The following SDK1 variants were observed in gnomAD, a reference collection of about 807,000 sequenced individuals.
SDK1 encodes protein sidekick-1.
In SDK1, 157 loss-of-function variants were observed where a neutral mutation model predicts 245.5. The ratio of observed to expected loss-of-function variants is 0.64; its 90% CI spans 0.56 to 0.73. SDK1 has a LOEUF of 0.73. SDK1 is among the 30% of genes least tolerant of loss of function. The probability of loss-of-function intolerance (pLI) is 0.00; values close to 1 mark genes in which losing one functional copy is unlikely to be tolerated. For missense variants in SDK1, 3,583 were observed against 3,002.3 expected, an observed-to-expected ratio of 1.19 and a Z score of -4.52; for synonymous variants, 1,647 against 1,278.5, an observed-to-expected ratio of 1.29 and a Z score of -6.15.
At chr7:4,193,211 T>TATATATAGTATATTA (rs1554257007) in intron 35 of SDK1, among the ~76,000 whole-genome samples, 133 of 119,022 alleles carry the variant, frequency 1.1e-3, no homozygotes, top group African/African-American at 4.3e-3. Context: ...TATATATTAA[T>TATATATAGTATATTA]ATATATATTG....
chr7:3,698,760 A>G lies in SDK1; in HGVS notation c.713+56655A>G, dbSNP rs1784651047. ...CTCACATGGCAGGTAGAGAGAGAGA[A>G]CAAACTCTCTGGTGTCTCTTCTTAT... is the stretch of plus-strand genomic sequence containing the variant. On this transcript the variant is annotated intron_variant, in intron 4 of 44. Coordinates refer to ENST00000404826, the MANE Select transcript of SDK1 (RefSeq NM_152744.4). 2.6e-5 allele frequency among the ~76,000 whole-genome samples: 4 copies of G among 152,276 alleles called. No individual in the cohort carries two copies. In the South Asian group the frequency reaches 8.3e-4, roughly 32 times the overall value.
At chr7:4,007,184 A>G (rs1018123949) in intron 14 of SDK1, among the ~76,000 whole-genome samples, 1 of 152,214 alleles carries the variant, frequency 6.6e-6, no homozygotes, top group African/African-American at 2.4e-5. Context: ...AGAGCAATCA[A>G]GGAGGAAGTT....
At chr7:3,967,495 G>A in intron 10 of SDK1, 61 bp downstream of exon 10, 1 of 992,634 alleles carries the variant, frequency 1.0e-6, no homozygotes, top group Non-Finnish European at 1.6e-6. Flanking sequence ...TATCGGGCCA[G>A]TGCTTGCTTC....
intron 19 of SDK1, among the ~76,000 whole-genome samples, chr7:4,060,124 G>T (rs1020483009): frequency 1.3e-5 from 2 of 151,972 alleles, no homozygotes; most frequent in Non-Finnish European, 2.9e-5. Flanking sequence ...CTCGTGATCC[G>T]CCCGCCTCGG....
At chr7:3,498,664 A>G (rs1358161379) in intron 1 of SDK1, among the ~76,000 whole-genome samples, 1 of 151,156 alleles carries the variant, frequency 6.6e-6, no homozygotes, top group African/African-American at 2.4e-5. Flanking sequence ...TTAGTCTTGT[A>G]TGTGTTTCTT....
At chr7:3,719,380 C>A (rs1785296838) in intron 4 of SDK1, among the ~76,000 whole-genome samples, 2 of 151,884 alleles carry the variant, frequency 1.3e-5, no homozygotes, top group Admixed American at 1.3e-4. Flanking sequence ...ATCATTGTTT[C>A]CAGTGTTAAC....
At chr7:3,498,707 C>A (rs1331878690) in intron 1 of SDK1, among the ~76,000 whole-genome samples, 1 of 151,308 alleles carries the variant, frequency 6.6e-6, no homozygotes, top group Non-Finnish European at 1.5e-5. Context: ...CGGAATGTCT[C>A]AGAATGTTGC....
chr7:4,018,159 T>G (rs534427514), intron 17 of SDK1, among the ~76,000 whole-genome samples: 2 of 152,366 alleles, frequency 1.3e-5, no homozygotes, highest in African/African-American at 4.8e-5. Context: ...CTACTGAGTC[T>G]AAAATCCTTT....
intron 1 of SDK1, among the ~76,000 whole-genome samples, chr7:3,609,860 C>G (rs559093858): frequency 3.9e-5 from 6 of 152,092 alleles, no homozygotes; most frequent in African/African-American, 1.4e-4. Context: ...ACCATCATGC[C>G]CAGCTAATTT....
At position 4,011,128 on chromosome 7, in the gene SDK1, C is replaced by A; in HGVS notation, c.2279+15C>A. On this transcript the variant is annotated intron_variant, in intron 15 of 44. Transcript: ENST00000404826. ...GAGACAAGCAGGTGCGTGAATCCCG[C>A]CCCAGGTGGGGGTGTGGAACAGCCG... 6.2e-7 allele frequency: 1 copy of A among 1,612,264 alleles called. No individual in the cohort carries two copies. The highest frequency in any genetic ancestry group is 8.5e-7 in the Non-Finnish European group (1 of 1,179,614).
Position 4,129,948 on chromosome 7 carries a change from G to A in SDK1, c.3980G>A (p.Ser1327Asn). ...RAKDLDPEPR[S>N]HIVRGNHTQS... ...AAAGACCTGGATCCCGAGCCCAGGA[G>A]CCACATCGTGCGAGGGAACCACACG... Residue 1327 changes from serine (S) to asparagine (N), a missense_variant, in exon 27 of 45, where the codon AGC (serine) becomes AAC (asparagine). Transcript: ENST00000404826. The A allele has an allele frequency of 6.2e-7, 1 of 1,613,808 alleles. No individual in the cohort carries two copies. Among genetic ancestry groups the A allele is most frequent in the Non-Finnish European group, 8.5e-7 (1 of 1,179,936 alleles).
At chr7:3,530,382 G>A (rs1264603144) in intron 1 of SDK1, among the ~76,000 whole-genome samples, 1 of 152,084 alleles carries the variant, frequency 6.6e-6, no homozygotes, top group Non-Finnish European at 1.5e-5. Flanking sequence ...TTTCATGGTG[G>A]CTAAATGATT....
At chr7:3,555,846 C>A (rs1369624010) in intron 1 of SDK1, among the ~76,000 whole-genome samples, 1 of 152,074 alleles carries the variant, frequency 6.6e-6, no homozygotes, top group Non-Finnish European at 1.5e-5. Flanking sequence ...AAATGCAAAT[C>A]AAAACCATTA....
At chr7:4,029,058 G>A (rs1423628318) in intron 17 of SDK1, among the ~76,000 whole-genome samples, 8 of 146,064 alleles carry the variant, frequency 5.5e-5, no homozygotes, top group African/African-American at 1.0e-4. Flanking sequence ...TTGCTTTTCC[G>A]AGGGGGGTGG....
At chr7:4,098,821 G>GC (rs1359448818) in intron 22 of SDK1, among the ~76,000 whole-genome samples, 76 of 130,194 alleles carry the variant, frequency 5.8e-4, no homozygotes, top group South Asian at 2.8e-3. Context: ...ACACCACAAT[G>GC]CCCTTTTTTT....
chr7:4,204,970 C>T (rs870394), intron 35 of SDK1, among the ~76,000 whole-genome samples: 12,121 of 86,736 alleles, frequency 0.14, 563 homozygotes, highest in Middle Eastern at 0.23. Context: ...TGGTGAGGTG[C>T]GGAGGTGCGG....
rs1015682573 is a variant in SDK1, at chr7:3,806,068, C to G, written c.714-15382C>G. On this transcript the variant is annotated intron_variant, in intron 4 of 44. Coordinates refer to ENST00000404826, the MANE Select transcript of SDK1 (RefSeq NM_152744.4). ...CCCTGAGGTCAAAGACAAGGAAAGA[C>G]TGCAAATGCTTGGCTTGTAGCCCTC... Among the ~76,000 whole-genome samples the G allele has an allele frequency of 2.6e-5, 4 of 152,310 alleles. No homozygotes were observed. The East Asian group carries it at 7.7e-4, about 29-fold the overall frequency.
At chr7:4,081,810 C>A (rs1412272847) in intron 22 of SDK1, among the ~76,000 whole-genome samples, 1 of 152,140 alleles carries the variant, frequency 6.6e-6, no homozygotes, top group South Asian at 2.1e-4. Flanking sequence ...CAGCAAAAGT[C>A]AATGATCCTC....
chr7:3,893,290 T>G (rs6971828), intron 5 of SDK1, among the ~76,000 whole-genome samples: 44,474 of 152,022 alleles, frequency 0.29, 7,278 homozygotes, highest in African/African-American at 0.44. Flanking sequence ...ACGGGGGTCA[T>G]CCCACCTGGG....
Sources: allele counts gnomAD v4.1 joint callset (sites outside exome capture counted in the v4.1 genomes callset), GRCh38; gene constraint gnomAD v4.1.1; transcripts MANE v1.5; gene names NCBI Gene and HGNC (gene_info 2026-07-23, HGNC 2026-07-21).